CD163L1: variants seen among roughly 807,000 people sequenced by gnomAD.
The protein encoded by CD163L1 is scavenger receptor cysteine-rich type 1 protein M160.
A neutral mutation model predicts 165.4 loss-of-function variants in CD163L1; 124 were observed. The ratio of observed to expected loss-of-function variants is 0.75; its 90% CI spans 0.65 to 0.87. CD163L1 has a LOEUF of 0.87. Ranked by LOEUF, CD163L1 falls within the 40% of genes least tolerant of loss-of-function variation. The probability of loss-of-function intolerance (pLI) is 0.00; values close to 1 mark genes in which losing one functional copy is unlikely to be tolerated. For missense variants in CD163L1, 1,525 were observed against 1,799.9 expected, an observed-to-expected ratio of 0.85 and a Z score of 2.76; for synonymous variants, 585 against 662.2, an observed-to-expected ratio of 0.88 and a Z score of 1.79.
At chr12:7,359,333 A>G (rs918516891) in intron 18 of CD163L1, among the ~76,000 whole-genome samples, 3 of 152,128 alleles carry the variant, frequency 2.0e-5, no homozygotes, top group African/African-American at 7.2e-5. Flanking sequence ...CAACTGCAGA[A>G]AATCAAAGAC....
chr12:7,381,589 G>T (rs1258390359), intron 8 of CD163L1, among the ~76,000 whole-genome samples: 1 of 152,148 alleles, frequency 6.6e-6, no homozygotes, highest in African/African-American at 2.4e-5. Flanking sequence ...AATCATGTGA[G>T]GGTGGTAGAT....
rs370189937 is a variant in CD163L1, at chr12:7,398,316, T to A, written c.1677A>T (p.Gly559=). The A allele has an allele frequency of 3.8e-5, 61 of 1,614,010 alleles. No individual in the cohort carries two copies. In the African/African-American group the frequency reaches 4.4e-4, roughly 12 times the overall value. The change falls in exon 7 of 20, where the codon GGA becomes GGT. Residue 559 remains glycine (G), a synonymous_variant. Transcript: ENST00000313599. The surrounding 1 kb of genome is among the most constrained non-coding windows in gnomAD (Gnocchi z 4.5). ...TGTGTACACAATTATGCTTTCCCCATCCACTGTGTTCACAGTCCCAGATAT... is the reference window on the plus strand; with the variant it reads ...TGTGTACACAATTATGCTTTCCCCAACCACTGTGTTCACAGTCCCAGATAT... The part of the protein sequence containing the change: ...ESNIWDCEHS[G]WGKHNCVHRE...
the CD163L1 span, among the ~76,000 whole-genome samples, chr12:7,326,714 A>AAT: frequency 3.3e-5 from 5 of 152,260 alleles, no homozygotes; most frequent in East Asian, 5.8e-4. Context: ...TGAAATGTTA[A>AAT]ATATATATGT....
the CD163L1 span, among the ~76,000 whole-genome samples, chr12:7,338,795 G>A: frequency 6.6e-6 from 1 of 152,156 alleles, no homozygotes; most frequent in African/African-American, 2.4e-5. Context: ...TGTGTCTGAA[G>A]TTGTGATTTC....
At chr12:7,439,556 T>C in intron 2 of CD163L1, 2 of 1,576,256 alleles carry the variant, frequency 1.3e-6, no homozygotes, top group Middle Eastern at 1.7e-4. Context: ...GTATCTTCTT[T>C]TGTCTTACTT....
chr12:7,369,077 C>T lies in CD163L1; in HGVS notation c.4040-112G>A, dbSNP rs781699848. 2.5e-6 allele frequency: 3 copies of T among 1,180,106 alleles called. No individual in the cohort carries two copies. The highest frequency in any genetic ancestry group is 2.4e-6 in the Non-Finnish European group (2 of 819,190). 73.1% of individuals were successfully genotyped at this position (1,180,106 alleles called of 1,614,324 possible). Reference sequence around the variant, plus strand: ...CATTTAAATATCCTTTTAACATCTCCTGTGAATACTGGATGTCATTTAAAA... The same window carrying T: ...CATTTAAATATCCTTTTAACATCTCTTGTGAATACTGGATGTCATTTAAAA... On this transcript the variant is annotated intron_variant, in intron 15 of 19. Transcript: ENST00000313599. The surrounding 1 kb of genome is among the most constrained non-coding windows in gnomAD (Gnocchi z 4.9).
chr12:7,423,719 G>A (rs1948484228), intron 4 of CD163L1, among the ~76,000 whole-genome samples: 1 of 152,090 alleles, frequency 6.6e-6, no homozygotes, highest in South Asian at 2.1e-4. Flanking sequence ...AAATAAGCTA[G>A]AAAACCTAAA....
intron 4 of CD163L1, among the ~76,000 whole-genome samples, chr12:7,415,723 A>T (rs1948224579): frequency 6.6e-6 from 1 of 152,216 alleles, no homozygotes; most frequent in South Asian, 2.1e-4. Flanking sequence ...GATGGTTTCC[A>T]GCTTCATCCA....
At chr12:7,322,872 A>G in the CD163L1 span, among the ~76,000 whole-genome samples, 66 of 152,272 alleles carry the variant, frequency 4.3e-4, 1 homozygote, top group Middle Eastern at 3.4e-3. Flanking sequence ...ATTGAGTCCA[A>G]GGTGCATTTA....
At chr12:7,394,654 G>A (rs1947734754) in intron 8 of CD163L1, among the ~76,000 whole-genome samples, 1 of 152,050 alleles carries the variant, frequency 6.6e-6, no homozygotes, top group Non-Finnish European at 1.5e-5. Context: ...GAGTCAACAG[G>A]CAACCTACAG....
At position 7,357,367 on chromosome 12, in the gene CD163L1, C is replaced by T; in HGVS notation, c.*24+13G>A. 1 of 1,563,628 alleles carries T rather than the reference C, an allele frequency of 6.4e-7. No individual in the cohort carries two copies. The highest frequency in any genetic ancestry group is 8.8e-7 in the Non-Finnish European group (1 of 1,134,948). ...ATTACTAGTTTTAGTAGGAACAATA[C>T]TTCTCAACTTACCTGGTGAGCCCTG... On this transcript the variant is annotated intron_variant, in intron 19 of 19. Transcript: ENST00000313599.
In CD163L1 at chr12:7,354,973, T is replaced by C. The variant is rs1457930517; in HGVS notation, c.*182A>G. On this transcript the variant is annotated 3_prime_UTR_variant, in exon 20 of 20. Coordinates refer to ENST00000313599, the MANE Select transcript of CD163L1 (RefSeq NM_174941.6). Reference sequence around the variant, plus strand: ...ACATTCAGTCCATTTAACAGTGATATACATAATTCAATTTTTATTATCACC... The same window carrying C: ...ACATTCAGTCCATTTAACAGTGATACACATAATTCAATTTTTATTATCACC... 2.0e-5 allele frequency: 3 copies of C among 152,176 alleles called. No homozygotes were observed. The highest frequency in any genetic ancestry group is 2.0e-4 in the Admixed American group (3 of 15,282). The allele number at this position is 152,176 out of a possible 1,614,324, so 9.4% of individuals were successfully genotyped here. A position where few individuals can be genotyped will look rare whatever the true frequency, so the allele number is the denominator to read the frequency against.
chr12:7,345,012 A>G (rs1192554335), downstream of CD163L1, among the ~76,000 whole-genome samples: 1 of 152,094 alleles, frequency 6.6e-6, no homozygotes, highest in Non-Finnish European at 1.5e-5. Flanking sequence ...GATCTCTGAA[A>G]TGCCTTCAGG....
intron 8 of CD163L1, among the ~76,000 whole-genome samples, chr12:7,384,418 G>A (rs1947473238): frequency 6.6e-6 from 1 of 151,984 alleles, no homozygotes; most frequent in Non-Finnish European, 1.5e-5. Flanking sequence ...AAGATACTTA[G>A]ATATCCAGAT....
rs112535482 is a variant in CD163L1, at chr12:7,375,461, G to C, written c.2821C>G (p.Leu941Val). Residue 941 changes from leucine to valine, a missense_variant, in exon 11 of 20, where the codon CTC becomes GTC. By Grantham distance (32) the Leu-to-Val change is conservative (BLOSUM62 1). Coordinates refer to ENST00000313599, the MANE Select transcript of CD163L1 (RefSeq NM_174941.6). The stretch of plus-strand genomic sequence containing the variant: ...GTTGAGAGAGCAGTCCCACAGCTGA[G>C]CTGTCTGCATAGAACACGGGCATCT... ...PEDARVLCRQ[L>V]SCGTALSTTG... The C allele has an allele frequency of 1.2e-6, 2 of 1,614,174 alleles. No individual in the cohort carries two copies. Among genetic ancestry groups the C allele is most frequent in the Non-Finnish European group, 1.7e-6 (2 of 1,180,036 alleles).
At chr12:7,366,831 A>G (rs1947031051) in intron 18 of CD163L1, among the ~76,000 whole-genome samples, 1 of 152,192 alleles carries the variant, frequency 6.6e-6, no homozygotes, top group Non-Finnish European at 1.5e-5. Context: ...ATAATTATAA[A>G]TGTACAAATA....
At chr12:7,336,328 A>T in the CD163L1 span, among the ~76,000 whole-genome samples, 2 of 151,676 alleles carry the variant, frequency 1.3e-5, no homozygotes, top group African/African-American at 4.9e-5. Context: ...CTATGCAGCC[A>T]TAAAAAATGA....
At position 7,369,603 on chromosome 12, in the gene CD163L1, C is replaced by T. The variant is rs1217192405; in HGVS notation, c.3793G>A (p.Gly1265Ser). Residue 1265 changes from glycine (G) to serine (S), a missense_variant, in exon 15 of 20, where the codon GGC becomes AGC. Transcript: ENST00000313599. This position sits in a 1 kb window ranked among gnomAD's most constrained non-coding sequence, Gnocchi z 4.9. ...CSGRVEIWHA[G>S]SWGTVCDDSW... is the part of the protein sequence containing the mutation. ...TCATCACACACTGTGCCCCAGGAGC[C>T]TGCGTGCCAGATCTCCACTCTCCCA... is the stretch of plus-strand genomic sequence containing the variant. 15 of 1,614,206 alleles carry T rather than the reference C, an allele frequency of 9.3e-6. No homozygotes were observed. Among genetic ancestry groups the T allele is most frequent in the Middle Eastern group, 1.6e-4 (1 of 6,062 alleles).
chr12:7,339,623 G>C, the CD163L1 span, among the ~76,000 whole-genome samples: 1 of 152,120 alleles, frequency 6.6e-6, no homozygotes, highest in Non-Finnish European at 1.5e-5. Flanking sequence ...CAAAGTGTGT[G>C]CATGACCTCT....
Sources: gnomAD v4.1 joint callset for allele counts (sites outside exome capture counted in the v4.1 genomes callset) on GRCh38, gnomAD v4.1.1 for gene constraint, Gnocchi (gnomAD v3.1) non-coding constraint, MANE v1.5 for transcripts, NCBI Gene and HGNC (gene_info 2026-07-23, HGNC 2026-07-21) for gene names.